IKZF2: variants seen among roughly 807,000 people sequenced by gnomAD.
IKZF2 encodes IKAROS family zinc finger 2.
Under a neutral mutation model 49.2 loss-of-function variants are expected in IKZF2, and 15 were observed. The observed-to-expected ratio is 0.30, with a 90% confidence interval of 0.20 to 0.47. The LOEUF is 0.47. IKZF2 is among the 20% of genes least tolerant of loss of function. The pLI, the probability that IKZF2 is intolerant of heterozygous loss-of-function variation, is 1.00. For missense variants in IKZF2, 567 were observed against 664.6 expected, an observed-to-expected ratio of 0.85 and a Z score of 1.61; for synonymous variants, 227 against 221.4, an observed-to-expected ratio of 1.03 and a Z score of -0.23.
intron 6 of IKZF2, among the ~76,000 whole-genome samples, chr2:213,042,088 G>C (rs988744214): frequency 2.0e-5 from 3 of 152,132 alleles, no homozygotes; most frequent in Non-Finnish European, 2.9e-5. Context: ...TTGCAGCAAG[G>C]CCACCCTAAA....
intron 4 of IKZF2, among the ~76,000 whole-genome samples, chr2:213,077,580 C>CTTTTTTTTTTT (rs58528665): frequency 1.5e-4 from 9 of 59,472 alleles, no homozygotes; most frequent in East Asian, 5.0e-4. Flanking sequence ...ATTCTATGTA[C>CTTTTTTTTTTT]TTTTTTTTTT....
At chr2:213,074,886 C>T (rs1303088500) in intron 4 of IKZF2, among the ~76,000 whole-genome samples, 3 of 152,132 alleles carry the variant, frequency 2.0e-5, no homozygotes, top group African/African-American at 7.2e-5. Context: ...GGTTATTAAA[C>T]GTAAGCCTAA....
intron 4 of IKZF2, among the ~76,000 whole-genome samples, chr2:213,079,455 G>A (rs1479819949): frequency 5.8e-5 from 8 of 138,210 alleles, no homozygotes; most frequent in Non-Finnish European, 9.4e-5. Flanking sequence ...GAGGGAGGGT[G>A]GAAGGAAGGA....
intron 6 of IKZF2, among the ~76,000 whole-genome samples, chr2:213,023,818 G>C (rs1000943355): frequency 6.6e-6 from 1 of 151,894 alleles, no homozygotes; most frequent in Non-Finnish European, 1.5e-5. Context: ...GTCATTTCCG[G>C]GTCTTCCCTG....
At chr2:213,046,593 C>T (rs1170173196) in intron 6 of IKZF2, among the ~76,000 whole-genome samples, 1 of 152,128 alleles carries the variant, frequency 6.6e-6, no homozygotes, top group Non-Finnish European at 1.5e-5. Flanking sequence ...GCACACTTTG[C>T]ATGGAAGAAG....
chr2:213,065,901 C>CT (rs2125447739), intron 4 of IKZF2, among the ~76,000 whole-genome samples: 1 of 152,146 alleles, frequency 6.6e-6, no homozygotes, highest in Admixed American at 6.6e-5. Flanking sequence ...ATGTTTTTTA[C>CT]TCCACAGTGG....
intron 4 of IKZF2, among the ~76,000 whole-genome samples, chr2:213,083,707 T>C (rs4673723): frequency 6.6e-6 from 1 of 151,490 alleles, no homozygotes; most frequent in East Asian, 1.9e-4. Flanking sequence ...CAGCCTCAGA[T>C]GGCGAACTTT....
chr2:213,086,815 C>A (rs1704669785), intron 4 of IKZF2, among the ~76,000 whole-genome samples: 1 of 152,036 alleles, frequency 6.6e-6, no homozygotes, highest in South Asian at 2.1e-4. Context: ...AAAGAGGGCA[C>A]CCTTCACATC....
intron 5 of IKZF2, among the ~76,000 whole-genome samples, chr2:213,051,309 T>C (rs1410981481): frequency 1.3e-5 from 2 of 152,116 alleles, no homozygotes; most frequent in East Asian, 3.9e-4. Context: ...TTCTGTAGTA[T>C]TTAGTGTTTT....
At chr2:213,052,404 A>T (rs1282974162) in intron 5 of IKZF2, among the ~76,000 whole-genome samples, 1 of 152,086 alleles carries the variant, frequency 6.6e-6, no homozygotes, top group Non-Finnish European at 1.5e-5. Flanking sequence ...TTTAATTTCA[A>T]TAAGATAAGG....
intron 4 of IKZF2, among the ~76,000 whole-genome samples, chr2:213,122,634 A>G (rs1202504215): frequency 6.6e-6 from 1 of 152,140 alleles, no homozygotes; most frequent in East Asian, 1.9e-4. Context: ...TTGCTGAAAC[A>G]CTCTTACCAA....
intron 6 of IKZF2, among the ~76,000 whole-genome samples, chr2:213,037,075 G>A (rs1699105717): frequency 6.6e-6 from 1 of 152,136 alleles, no homozygotes; most frequent in African/African-American, 2.4e-5. Flanking sequence ...CTCATGGTGT[G>A]GAAGGGAAAA....
intron 4 of IKZF2, among the ~76,000 whole-genome samples, chr2:213,065,575 G>C (rs2125445617): frequency 6.6e-6 from 1 of 152,066 alleles, no homozygotes; most frequent in Non-Finnish European, 1.5e-5. Flanking sequence ...ATTAATTAAA[G>C]AACCATTAAT....
rs999687014 is a variant in IKZF2, at chr2:213,109,617, G to A, written c.139+38091C>T. Reference sequence around the variant, plus strand: ...TCCCATTTCCAAACAGATATTTAGTGTTCTCATTTATATTTATGTGCTATA... The same window carrying A: ...TCCCATTTCCAAACAGATATTTAGTATTCTCATTTATATTTATGTGCTATA... On this transcript the variant is annotated intron_variant, in intron 4 of 8. Transcript: ENST00000434687. 1.3e-4 allele frequency among the ~76,000 whole-genome samples: 19 copies of A among 151,882 alleles called. 1 individual carries two copies. The highest frequency in any genetic ancestry group is 6.8e-3 in the Middle Eastern group (2 of 294).
chr2:213,079,682 G>A (rs1469460702), intron 4 of IKZF2, among the ~76,000 whole-genome samples: 1 of 152,060 alleles, frequency 6.6e-6, no homozygotes, highest in Non-Finnish European at 1.5e-5. Flanking sequence ...GGATACATTT[G>A]CCAGCCCAAG....
intron 7 of IKZF2, 131 bp from the exon 8 acceptor site, chr2:213,014,065 C>T: frequency 1.4e-6 from 1 of 730,274 alleles, no homozygotes; most frequent in South Asian, 1.9e-5. Context: ...AGAAAGAATA[C>T]CCTCTAGTGT....
At chr2:213,083,407 T>TTTTC (rs1704193241) in intron 4 of IKZF2, among the ~76,000 whole-genome samples, 1 of 134,026 alleles carries the variant, frequency 7.5e-6, no homozygotes, top group African/African-American at 2.6e-5. Context: ...TTTTTTTTTT[T>TTTTC]GAGACGGAGT....
chr2:213,008,011 C>G lies in IKZF2; in HGVS notation c.930G>C (p.Glu310Asp), dbSNP rs373121702. 2 of 1,612,990 alleles carry G rather than the reference C, an allele frequency of 1.2e-6. No homozygotes were observed. The highest frequency in any genetic ancestry group is 1.7e-6 in the Non-Finnish European group (2 of 1,179,634). ...DMNLTYEKEA[E>D]LMQSHMMDQA... ...GGTCCATCATATGAGACTGCATCAG[C>G]TCAGCCTCCTTCTCATATGTTAAGT... The change falls in exon 9 of 9, where the codon GAG becomes GAC. Residue 310 changes from glutamate (E) to aspartate (D), a missense_variant. By Grantham distance (45) the Glu-to-Asp change is conservative. Around this residue, in one of 5 missense-constraint regions of IKZF2, gnomAD observed 310 missense variants for 326.9 expected, o/e 0.95. Coordinates refer to ENST00000434687, the MANE Select transcript of IKZF2 (RefSeq NM_001387220.1).
chr2:213,142,661 C>T (rs2060915351), intron 4 of IKZF2, among the ~76,000 whole-genome samples: 1 of 151,874 alleles, frequency 6.6e-6, no homozygotes, highest in African/African-American at 2.4e-5. Flanking sequence ...GCCAAGGTCA[C>T]ACAGCAAAGC....
Sources: allele counts gnomAD v4.1 joint callset (sites outside exome capture counted in the v4.1 genomes callset), GRCh38; gene constraint gnomAD v4.1.1; regional missense constraint gnomAD v4.1.1; transcripts MANE v1.5; gene names NCBI Gene and HGNC (gene_info 2026-07-23, HGNC 2026-07-21).